The following ARHGAP35 variants were observed in gnomAD, a reference collection of about 807,000 sequenced individuals.
ARHGAP35 encodes Rho GTPase activating protein 35.
Under a neutral mutation model 111.1 loss-of-function variants are expected in ARHGAP35, and 15 were observed. The observed-to-expected ratio is 0.13, with a 90% CI of 0.09 to 0.21. The LOEUF is 0.21. Among genes scored for constraint, ARHGAP35 ranks in the 10% least tolerant of loss-of-function variants. The probability of loss-of-function intolerance (pLI) is 1.00; values close to 1 mark genes in which losing one functional copy is unlikely to be tolerated. For synonymous variants in ARHGAP35, 643 were observed against 710.3 expected, an observed-to-expected ratio of 0.91 and a Z score of 1.51; for missense variants, 1,262 against 1,873.0, an observed-to-expected ratio of 0.67 and a Z score of 6.02.
intron 1 of ARHGAP35, among the ~76,000 whole-genome samples, chr19:46,898,688 G>C (rs1166366706): frequency 6.6e-6 from 1 of 152,224 alleles, no homozygotes; most frequent in Non-Finnish European, 1.5e-5. Flanking sequence ...GAAAGGCTTG[G>C]GAGGAGCAAA....
At chr19:46,906,117 C>T (rs772163328) in intron 1 of ARHGAP35, among the ~76,000 whole-genome samples, 4 of 151,596 alleles carry the variant, frequency 2.6e-5, no homozygotes, top group Non-Finnish European at 4.4e-5. Context: ...AGGAGTTCTA[C>T]ACCAGCCTAG....
At chr19:46,893,549 A>G (rs957622803) in intron 1 of ARHGAP35, among the ~76,000 whole-genome samples, 1 of 151,946 alleles carries the variant, frequency 6.6e-6, no homozygotes, top group African/African-American at 2.4e-5. Flanking sequence ...TTGAGGATCA[A>G]ATGAGAAAGC....
At position 46,992,881 on chromosome 19, in the gene ARHGAP35, G is replaced by A. The variant is rs544819261; in HGVS notation, c.4036+3206G>A. 6.6e-6 allele frequency among the ~76,000 whole-genome samples: 1 copy of A among 152,318 alleles called. No individual in the cohort carries two copies. Among genetic ancestry groups the A allele is most frequent in the African/African-American group, 2.4e-5 (1 of 41,568 alleles). ...GATAACAGTGCAGCCTAGGTTACCA[G>A]GGGACGGCCCTGCTGCTCTCTGGGC... is the stretch of plus-strand genomic sequence containing the variant. On this transcript the variant is annotated intron_variant, in intron 5 of 6. Coordinates refer to ENST00000672722, the MANE Select transcript of ARHGAP35 (RefSeq NM_004491.5). This position sits in a 1 kb window ranked among gnomAD's most constrained non-coding sequence, Gnocchi z 4.4.
intron 3 of ARHGAP35, chr19:46,948,245 A>G (rs774814948): frequency 6.6e-6 from 1 of 152,246 alleles, no homozygotes; most frequent in Non-Finnish European, 1.5e-5. Flanking sequence ...ACAAAAAACT[A>G]TAACAAGGGC....
At chr19:46,987,664 T>G (rs1180736013) in intron 3 of ARHGAP35, among the ~76,000 whole-genome samples, 1 of 152,220 alleles carries the variant, frequency 6.6e-6, no homozygotes, top group African/African-American at 2.4e-5. Flanking sequence ...AAATATATAC[T>G]ACCTCTGTTT....
At chr19:46,875,763 G>A (rs971285854) in intron 1 of ARHGAP35, among the ~76,000 whole-genome samples, 5 of 152,182 alleles carry the variant, frequency 3.3e-5, no homozygotes, top group African/African-American at 1.2e-4. Flanking sequence ...AAGCGAGCAT[G>A]TGAGGGTGCT....
intron 1 of ARHGAP35, among the ~76,000 whole-genome samples, chr19:46,899,936 A>C (rs1365645942): frequency 6.6e-6 from 1 of 152,178 alleles, no homozygotes; most frequent in East Asian, 1.9e-4. Context: ...TAAACAGTTC[A>C]TTCAAAACAA....
At chr19:46,947,933 G>C (rs1254482578) in intron 3 of ARHGAP35, 1 of 152,240 alleles carries the variant, frequency 6.6e-6, no homozygotes, top group African/African-American at 2.4e-5. Flanking sequence ...GATGTGGGTA[G>C]GGCGAGGTAC....
chr19:46,932,308 G>A (rs1189454948), intron 2 of ARHGAP35, among the ~76,000 whole-genome samples: 1 of 152,132 alleles, frequency 6.6e-6, no homozygotes, highest in African/African-American at 2.4e-5. Context: ...TAAACTTAGA[G>A]GCACACATGT....
rs1382534658 is a variant in ARHGAP35 at position 47,002,503 on chromosome 19, C to T, written c.*1815C>T. Reference sequence around the variant, plus strand: ...AATGTTGGATGATGAATTTTTGTCTCTTCTGGTGGAGCTGTGCCTGGCCCT... The same window carrying T: ...AATGTTGGATGATGAATTTTTGTCTTTTCTGGTGGAGCTGTGCCTGGCCCT... On this transcript the variant is annotated 3_prime_UTR_variant, in exon 7 of 7. Transcript: ENST00000672722. The T allele has an allele frequency of 6.6e-6, 1 of 152,264 alleles. No individual in the cohort carries two copies. Among genetic ancestry groups the T allele is most frequent in the African/African-American group, 2.4e-5 (1 of 41,460 alleles). The allele number at this position is 152,264 out of a possible 1,614,324, so 9.4% of individuals were successfully genotyped here. A position where few individuals can be genotyped will look rare whatever the true frequency, so the allele number is the denominator to read the frequency against.
chr19:46,903,465 A>G (rs999961852), intron 1 of ARHGAP35, among the ~76,000 whole-genome samples: 2 of 152,194 alleles, frequency 1.3e-5, no homozygotes, highest in Non-Finnish European at 2.9e-5. Flanking sequence ...CAGTGGGTTT[A>G]TCTTGGGCAT....
rs747957444 is a variant in ARHGAP35, at chr19:46,989,703, G to A, written c.4036+28G>A. 87 of 1,612,762 alleles carry A rather than the reference G, an allele frequency of 5.4e-5. No homozygotes were observed. Among genetic ancestry groups the A allele is most frequent in the Middle Eastern group, 1.6e-4 (1 of 6,078 alleles). On this transcript the variant is annotated intron_variant, in intron 5 of 6. Transcript: ENST00000672722. The surrounding 1 kb of genome is among the most constrained non-coding windows in gnomAD (Gnocchi z 5.3). The stretch of plus-strand genomic sequence containing the variant: ...GAGTACCGGCAGCCCAGTGTTGGGC[G>A]GATTGAGGGAGAAAGGGCTTGGCAC...
intron 5 of ARHGAP35, among the ~76,000 whole-genome samples, chr19:46,997,067 G>T (rs772604288): frequency 3.9e-5 from 6 of 152,182 alleles, no homozygotes; most frequent in Non-Finnish European, 8.8e-5. Context: ...TGAGGCAGGA[G>T]AATCGCTTAA....
At chr19:46,987,218 CTTTTTTT>C (rs370500363) in intron 3 of ARHGAP35, among the ~76,000 whole-genome samples, 9 of 115,592 alleles carry the variant, frequency 7.8e-5, no homozygotes, top group Non-Finnish European at 1.5e-4. Context: ...TCTTTTTTTT[CTTTTTTT>C]TTTTTTTTTT....
At chr19:46,955,124 C>T (rs564194298) in intron 3 of ARHGAP35, among the ~76,000 whole-genome samples, 5 of 151,964 alleles carry the variant, frequency 3.3e-5, no homozygotes, top group Non-Finnish European at 7.4e-5. Flanking sequence ...ATCACTAACA[C>T]GAGGTGAAGA....
rs1208209715 is a variant in ARHGAP35 at position 46,921,340 on chromosome 19, A to G, written c.2665A>G (p.Thr889Ala). ...TATCCCTATTCAGCTTGTAGCACTC[A>G]CTGATGGCGCTGTAGATGTCCTGGA... ...DIIPIQLVAL[T>A]DGAVDVLDND... is the part of the protein sequence containing the mutation. Residue 889 changes from threonine to alanine, a missense_variant, in exon 2 of 7, where the codon ACT (threonine) becomes GCT (alanine). Thr to Ala is a moderately conservative substitution (Grantham distance 58). Around this residue, in one of 8 missense-constraint regions of ARHGAP35, gnomAD observed 579 missense variants for 716.9 expected, o/e 0.81. Coordinates refer to ENST00000672722, the MANE Select transcript of ARHGAP35 (RefSeq NM_004491.5). The surrounding 1 kb of genome is among the most constrained non-coding windows in gnomAD (Gnocchi z 4.3). 4 of 1,613,964 alleles carry G rather than the reference A, an allele frequency of 2.5e-6. No homozygotes were observed. In the East Asian group the frequency reaches 6.7e-5, roughly 27 times the overall value.
intron 1 of ARHGAP35, among the ~76,000 whole-genome samples, chr19:46,890,314 T>A (rs1000428339): frequency 1.4e-4 from 21 of 152,234 alleles, no homozygotes; most frequent in African/African-American, 4.8e-4. Context: ...ATCTTTTCTG[T>A]CATTGTTTAG....
chr19:47,001,467 T>G lies in ARHGAP35; in HGVS notation c.*779T>G. ...CTCAAGATTCCACTCTGTGCCCGCC[T>G]CTGCCGGGAGGGAGGGAGGCACACA... On this transcript the variant is annotated 3_prime_UTR_variant, in exon 7 of 7. Coordinates refer to ENST00000672722, the MANE Select transcript of ARHGAP35 (RefSeq NM_004491.5). The surrounding 1 kb of genome is among the most constrained non-coding windows in gnomAD (Gnocchi z 5.4). 9.3e-6 allele frequency: 11 copies of G among 1,185,638 alleles called. No homozygotes were observed. Among genetic ancestry groups the G allele is most frequent in the Non-Finnish European group, 1.2e-5 (11 of 898,028 alleles). The allele number at this position is 1,185,638 out of a possible 1,614,324, so 73.4% of individuals were successfully genotyped here.
intron 1 of ARHGAP35, among the ~76,000 whole-genome samples, chr19:46,885,590 A>G (rs909685208): frequency 1.3e-5 from 2 of 152,116 alleles, no homozygotes; most frequent in African/African-American, 4.8e-5. Context: ...GATTTCATAT[A>G]CTAACCTTGA....
Sources: allele counts gnomAD v4.1 joint callset (sites outside exome capture counted in the v4.1 genomes callset), GRCh38; gene constraint gnomAD v4.1.1; regional missense constraint gnomAD v4.1.1; non-coding constraint Gnocchi (gnomAD v3.1); transcripts MANE v1.5; gene names NCBI Gene and HGNC (gene_info 2026-07-23, HGNC 2026-07-21).